The following COL25A1 variants were observed in gnomAD, a reference collection of about 807,000 sequenced individuals.
The protein encoded by COL25A1 is collagen type XXV alpha 1 chain.
Under a neutral mutation model 128.4 loss-of-function variants are expected in COL25A1, and 103 were observed. The observed-to-expected ratio is 0.80, with a 90% confidence interval of 0.68 to 0.94. COL25A1 has a LOEUF of 0.94. Among genes scored for constraint, COL25A1 ranks in the 40% least tolerant of loss-of-function variants. COL25A1 has a pLI of 0.00. For synonymous variants in COL25A1, 279 were observed against 277.2 expected, an observed-to-expected ratio of 1.01 and a Z score of -0.06; for missense variants, 745 against 840.0, an observed-to-expected ratio of 0.89 and a Z score of 1.40.
At chr4:109,151,847 G>A (rs1397344819) in intron 3 of COL25A1, among the ~76,000 whole-genome samples, 2 of 152,076 alleles carry the variant, frequency 1.3e-5, no homozygotes, top group African/African-American at 4.8e-5. Flanking sequence ...TAAAGAAATT[G>A]TTACTAACCA....
chr4:109,301,645 G>A, intron 2 of COL25A1, 78 bp downstream of exon 2: 1 of 1,499,770 alleles, frequency 6.7e-7, no homozygotes, highest in South Asian at 1.3e-5. Flanking sequence ...GTACAGTAAG[G>A]GTAGCGGCTA....
At chr4:109,224,837 G>C (rs1188587657) in intron 3 of COL25A1, among the ~76,000 whole-genome samples, 3 of 152,204 alleles carry the variant, frequency 2.0e-5, no homozygotes, top group African/African-American at 4.8e-5. Flanking sequence ...CTACTCGGGA[G>C]GCTGAGGCAG....
At chr4:109,026,468 C>G (rs992039616) in intron 5 of COL25A1, among the ~76,000 whole-genome samples, 2 of 152,142 alleles carry the variant, frequency 1.3e-5, no homozygotes, top group Admixed American at 1.3e-4. Context: ...AGATGGCAAG[C>G]AGGCGTTATA....
At chr4:108,850,284 T>G (rs748777663) in intron 26 of COL25A1, among the ~76,000 whole-genome samples, 9 of 152,034 alleles carry the variant, frequency 5.9e-5, no homozygotes, top group Non-Finnish European at 5.9e-5. Flanking sequence ...ATTGAGTAAG[T>G]TCCCATTCAG....
At chr4:109,110,261 T>C (rs1391609692) in intron 3 of COL25A1, among the ~76,000 whole-genome samples, 2 of 152,182 alleles carry the variant, frequency 1.3e-5, no homozygotes, top group Admixed American at 6.5e-5. Flanking sequence ...GTACCCAGCG[T>C]TGATCTTCAG....
chr4:109,210,530 T>C (rs1409447542), intron 3 of COL25A1, among the ~76,000 whole-genome samples: 2 of 152,198 alleles, frequency 1.3e-5, no homozygotes, highest in African/African-American at 2.4e-5. Flanking sequence ...AAAATTGCAA[T>C]GTGATCTTAT....
intron 3 of COL25A1, among the ~76,000 whole-genome samples, chr4:109,093,788 C>T (rs1000095866): frequency 3.3e-5 from 5 of 152,056 alleles, no homozygotes; most frequent in Admixed American, 6.6e-5. Flanking sequence ...TTTTTAAAAG[C>T]ATGTTTTACA....
intron 19 of COL25A1, among the ~76,000 whole-genome samples, chr4:108,883,068 A>G (rs981375634): frequency 7.2e-5 from 11 of 152,118 alleles, no homozygotes; most frequent in African/African-American, 2.4e-4. Context: ...TAGAGACGGA[A>G]TAGCACTCTG....
At chr4:109,082,238 T>C (rs1343031122) in intron 3 of COL25A1, among the ~76,000 whole-genome samples, 1 of 152,250 alleles carries the variant, frequency 6.6e-6, no homozygotes, top group African/African-American at 2.4e-5. Context: ...TTATACTGGT[T>C]AGCTGTTAAA....
At position 109,098,298 on chromosome 4, in the gene COL25A1, C is replaced by T. The variant is rs17039816; in HGVS notation, c.368-48119G>A. Among the ~76,000 whole-genome samples, 95 of 152,028 alleles carry T rather than the reference C, an allele frequency of 6.2e-4. 1 individual carries two copies. Among genetic ancestry groups the T allele is most frequent in the African/African-American group, 2.2e-3 (90 of 41,432 alleles). On this transcript the variant is annotated intron_variant, in intron 3 of 37. Transcript: ENST00000399132. ...GGGCCAAGGGAAGGCCCTGGATAATCGGACATGTAAGTGATGGTTACTTAG... is the reference window on the plus strand; with the variant it reads ...GGGCCAAGGGAAGGCCCTGGATAATTGGACATGTAAGTGATGGTTACTTAG...
At chr4:109,113,886 A>G (rs1264601122) in intron 3 of COL25A1, among the ~76,000 whole-genome samples, 2 of 152,114 alleles carry the variant, frequency 1.3e-5, no homozygotes, top group African/African-American at 4.8e-5. Flanking sequence ...TAAGTAACTT[A>G]GCATCCCTAA....
At chr4:109,295,560 T>C (rs146509272) in intron 3 of COL25A1, among the ~76,000 whole-genome samples, 6 of 152,214 alleles carry the variant, frequency 3.9e-5, no homozygotes, top group Non-Finnish European at 7.4e-5. Flanking sequence ...ACTCTTTCCA[T>C]AGATTGTGCA....
At position 109,023,986 on chromosome 4, in the gene COL25A1, G is replaced by A. The variant is rs538546641; in HGVS notation, c.421-13611C>T. 2.2e-4 allele frequency among the ~76,000 whole-genome samples: 33 copies of A among 152,186 alleles called. No individual in the cohort carries two copies. In the South Asian group the frequency reaches 3.9e-3, roughly 18 times the overall value. On this transcript the variant is annotated intron_variant, in intron 5 of 37. Coordinates refer to ENST00000399132, the MANE Select transcript of COL25A1 (RefSeq NM_198721.4). ...GCTTCAGACATTCTTCAGGCCTAGCGGGCATTCTTCTGTGTACGTTATTTC... is the reference window on the plus strand; with the variant it reads ...GCTTCAGACATTCTTCAGGCCTAGCAGGCATTCTTCTGTGTACGTTATTTC...
At chr4:109,233,894 T>C (rs1280747353) in intron 3 of COL25A1, among the ~76,000 whole-genome samples, 1 of 152,078 alleles carries the variant, frequency 6.6e-6, no homozygotes, top group Admixed American at 6.6e-5. Flanking sequence ...GGTCTTCAGA[T>C]CATAGCTACT....
intron 10 of COL25A1, among the ~76,000 whole-genome samples, chr4:108,938,500 CCCAG>C: frequency 6.6e-6 from 1 of 152,178 alleles, no homozygotes; most frequent in African/African-American, 2.4e-5. Flanking sequence ...ACTGTGTGAG[CCCAG>C]GTCTTTAAGG....
At chr4:108,849,917 G>GT (rs1481048114) in intron 26 of COL25A1, among the ~76,000 whole-genome samples, 1 of 150,412 alleles carries the variant, frequency 6.6e-6, no homozygotes, top group Non-Finnish European at 1.5e-5. Flanking sequence ...TGATCTTGTG[G>GT]TTATAAACAA....
intron 19 of COL25A1, among the ~76,000 whole-genome samples, chr4:108,880,556 C>T (rs1739997705): frequency 1.3e-5 from 2 of 152,074 alleles, no homozygotes. Context: ...TAATCAAAAC[C>T]GACACAGCAT....
At chr4:108,822,955 T>G (rs1052152771) in intron 35 of COL25A1, among the ~76,000 whole-genome samples, 1 of 152,148 alleles carries the variant, frequency 6.6e-6, no homozygotes, top group African/African-American at 2.4e-5. Context: ...TAATGCTCAG[T>G]AAATGTGATG....
At position 109,054,236 on chromosome 4, in the gene COL25A1, G is replaced by A. The variant is rs76412632; in HGVS notation, c.368-4057C>T. Among the ~76,000 whole-genome samples, 952 of 152,268 alleles carry A rather than the reference G, an allele frequency of 6.3e-3. 8 individuals carry two copies. Among genetic ancestry groups the A allele is most frequent in the African/African-American group, 0.021 (868 of 41,534 alleles). ...TCACCTTATAATTACACTATTCAAG[G>A]AGGCAATTTAATATACTAAAGACAA... On this transcript the variant is annotated intron_variant, in intron 3 of 37. Transcript: ENST00000399132.
Sources: allele counts gnomAD v4.1 joint callset (sites outside exome capture counted in the v4.1 genomes callset), GRCh38; gene constraint gnomAD v4.1.1; transcripts MANE v1.5; gene names NCBI Gene and HGNC (gene_info 2026-07-23, HGNC 2026-07-21).